Variants in ZDHHC11B observed in about 807,000 individuals in gnomAD.
ZDHHC11B encodes zDHHC palmitoyltransferase 11B (putative), also known as probable palmitoyltransferase ZDHHC11B.
Under a neutral mutation model 42.3 loss-of-function variants are expected in ZDHHC11B, and 17 were observed. That is an observed-to-expected ratio of 0.40 (90% CI 0.27 to 0.60). The LOEUF is 0.60. Among genes scored for constraint, ZDHHC11B ranks in the 20% least tolerant of loss-of-function variants. The pLI, the probability that ZDHHC11B is intolerant of heterozygous loss-of-function variation, is 0.41. For synonymous variants in ZDHHC11B, 123 were observed against 193.5 expected (o/e 0.64, Z 3.02); for missense variants, 262 against 463.2 (o/e 0.57, Z 3.99).
chr5:776,386 G>A (rs1311552484), intron 1 of ZDHHC11B, among the ~76,000 whole-genome samples: 57 of 151,894 alleles, frequency 3.8e-4, no homozygotes, highest in African/African-American at 1.3e-3. Context: ...GGGAGTGGAG[G>A]GGATCAGGAC....
At chr5:778,068 G>C (rs1188861936) in intron 1 of ZDHHC11B, among the ~76,000 whole-genome samples, 1 of 151,964 alleles carries the variant, frequency 6.6e-6, no homozygotes, top group African/African-American at 2.4e-5. Context: ...TAGGACAGAG[G>C]GGCAAGGGGG....
chr5:746,511 A>G (rs1744845339), intron 8 of ZDHHC11B, among the ~76,000 whole-genome samples: 1 of 132,706 alleles, frequency 7.5e-6, no homozygotes, highest in Admixed American at 8.6e-5. Context: ...TTTCTGCCAC[A>G]CTTGGTCTGG....
rs532331874 is a variant in ZDHHC11B, at chr5:753,078, G to A, written c.504-1821C>T. On this transcript the variant is annotated intron_variant, in intron 6 of 13. Transcript: ENST00000508859. ...CCTGTGTTTAACCTGCAGAGTCCGA[G>A]GCCAGCGCTCGCAGTCTTCCCAGGA... is the stretch of plus-strand genomic sequence containing the variant. Among the ~76,000 whole-genome samples, 22 of 128,556 alleles carry A rather than the reference G, an allele frequency of 1.7e-4. 3 individuals are homozygous for A. In the East Asian group the frequency reaches 6.3e-3, roughly 37 times the overall value. The allele number at this position is 128,556 out of a possible 152,430, so 84.3% of individuals were successfully genotyped here. A position where few individuals can be genotyped will look rare whatever the true frequency, so the allele number is the denominator to read the frequency against.
chr5:727,710 T>C (rs1742696550), intron 12 of ZDHHC11B, among the ~76,000 whole-genome samples: 2 of 144,396 alleles, frequency 1.4e-5, no homozygotes, highest in African/African-American at 5.1e-5. Context: ...TATTGTTTCA[T>C]AAACGAGGTG....
chr5:767,256 G>C (rs1161450792), intron 3 of ZDHHC11B, 136 bp downstream of exon 3: 2 of 1,090,546 alleles, frequency 1.8e-6, no homozygotes, highest in Non-Finnish European at 2.6e-6. Context: ...GAAAGCAACG[G>C]GAAGACCTGA....
At chr5:754,113 A>G (rs590725) in intron 6 of ZDHHC11B, among the ~76,000 whole-genome samples, 3 of 127,588 alleles carry the variant, frequency 2.4e-5, no homozygotes, top group South Asian at 3.5e-4. Context: ...CGTCTCATCT[A>G]TGAGTCTCCA....
intron 4 of ZDHHC11B, among the ~76,000 whole-genome samples, chr5:760,658 A>T (rs1734484607): frequency 6.6e-6 from 1 of 151,890 alleles, no homozygotes; most frequent in African/African-American, 2.4e-5. Context: ...CTTCCTCTGC[A>T]GAGCATGCAC....
In ZDHHC11B at chr5:784,676, C is replaced by A. The variant is rs1353675492; in HGVS notation, c.-238G>T. On this transcript the variant is annotated 5_prime_UTR_variant, in exon 1 of 14. Coordinates refer to ENST00000508859, the MANE Select transcript of ZDHHC11B (RefSeq NM_001351303.2). The stretch of plus-strand genomic sequence containing the variant: ...GCCCCGCGCCCGCTTACCTTGGAGA[C>A]GCAGCAACTGCAGCGGAGGCTCCCC... Among the ~76,000 whole-genome samples the A allele has an allele frequency of 1.3e-5, 2 of 150,448 alleles. No individual in the cohort carries two copies. The highest frequency in any genetic ancestry group is 3.0e-5 in the Non-Finnish European group (2 of 67,304).
At chr5:766,307 G>GC (rs11450664) in intron 4 of ZDHHC11B, among the ~76,000 whole-genome samples, 113,373 of 150,988 alleles carry the variant, frequency 0.75, 40,859 homozygotes, top group East Asian at 0.83. Flanking sequence ...CGGGACCCCT[G>GC]CCGCTGGAAG....
At chr5:712,735 C>T (rs1030804115) in intron 13 of ZDHHC11B, among the ~76,000 whole-genome samples, 33 of 151,382 alleles carry the variant, frequency 2.2e-4, no homozygotes, top group Non-Finnish European at 4.0e-4. Context: ...CGGTGAAACC[C>T]CGTCTCTACT....
chr5:763,373 G>GA lies in ZDHHC11B; in HGVS notation c.222+3324dup, dbSNP rs398108502. 1.3e-3 allele frequency among the ~76,000 whole-genome samples: 164 copies of GA among 128,478 alleles called. 1 individual carries two copies. The highest frequency in any genetic ancestry group is 2.1e-3 in the African/African-American group (75 of 35,312). 84.3% of individuals were successfully genotyped at this position (128,478 alleles called of 152,430 possible). A position where few individuals can be genotyped will look rare whatever the true frequency, so the allele number is the denominator to read the frequency against. The stretch of plus-strand genomic sequence containing the variant: ...GACAAGAGTGAGACTCCCATCTCGG[G>GA]AAAAAAAAAAAAAAGAAGAAGAAGA... On this transcript the variant is annotated intron_variant, in intron 4 of 13. Transcript: ENST00000508859.
chr5:734,196 A>G (rs1449943956), intron 10 of ZDHHC11B, among the ~76,000 whole-genome samples: 1 of 141,964 alleles, frequency 7.0e-6, no homozygotes, highest in East Asian at 2.0e-4. Context: ...GAGAGACAGA[A>G]CAGCATGTGG....
rs1166965896 is a variant in ZDHHC11B at position 764,292 on chromosome 5, G to A, written c.222+2406C>T. ...CTCGGTGCCCACTCTGGCCACACTCGAGGGGCCCTTCAGCCCACTGCTGCA... is the reference window on the plus strand; with the variant it reads ...CTCGGTGCCCACTCTGGCCACACTCAAGGGGCCCTTCAGCCCACTGCTGCA... On this transcript the variant is annotated intron_variant, in intron 4 of 13. Coordinates refer to ENST00000508859, the MANE Select transcript of ZDHHC11B (RefSeq NM_001351303.2). Among the ~76,000 whole-genome samples, 8 of 152,072 alleles carry A rather than the reference G, an allele frequency of 5.3e-5. 1 individual carries two copies. Among genetic ancestry groups the A allele is most frequent in the South Asian group, 4.1e-4 (2 of 4,822 alleles).
At chr5:728,813 G>A (rs1424676289) in intron 12 of ZDHHC11B, among the ~76,000 whole-genome samples, 1 of 151,828 alleles carries the variant, frequency 6.6e-6, no homozygotes, top group Non-Finnish European at 1.5e-5. Flanking sequence ...CTTGAGCTCA[G>A]GAGTTCGAGA....
intron 4 of ZDHHC11B, among the ~76,000 whole-genome samples, chr5:766,234 C>T (rs768073797): frequency 6.6e-6 from 1 of 151,802 alleles, no homozygotes; most frequent in Non-Finnish European, 1.5e-5. Flanking sequence ...ATGCAGGTCC[C>T]CTACCCACTG....
At chr5:713,945 C>G (rs1354094027) in intron 13 of ZDHHC11B, among the ~76,000 whole-genome samples, 1 of 132,720 alleles carries the variant, frequency 7.5e-6, no homozygotes, top group Non-Finnish European at 1.7e-5. Context: ...TGAAGTTGAC[C>G]AGGTTTCACA....
chr5:780,089 T>C (rs1736851054), intron 1 of ZDHHC11B, among the ~76,000 whole-genome samples: 1 of 147,598 alleles, frequency 6.8e-6, no homozygotes, highest in Admixed American at 6.8e-5. Flanking sequence ...GCTAAGACAT[T>C]GCAAAGGCTG....
chr5:752,899 A>G (rs1277111949), intron 6 of ZDHHC11B, among the ~76,000 whole-genome samples: 1 of 125,356 alleles, frequency 8.0e-6, no homozygotes, highest in Non-Finnish European at 1.8e-5. Flanking sequence ...CTCTTCATCC[A>G]GGAAAGAAGG....
Position 730,476 on chromosome 5 carries a change from G to C in ZDHHC11B, c.1024-8C>G. On this transcript the variant is annotated splice_polypyrimidine_tract_variant and splice_region_variant and intron_variant, in intron 11 of 13. Coordinates refer to ENST00000508859, the MANE Select transcript of ZDHHC11B (RefSeq NM_001351303.2). ...CGGGGCATCATCTGCTTCCTGTGGG[G>C]GGAAGGGAAGCAAAATTCTTAGGAT... is the stretch of plus-strand genomic sequence containing the variant. 1 of 1,556,866 alleles carries C rather than the reference G, an allele frequency of 6.4e-7. No individual in the cohort carries two copies. Among genetic ancestry groups the C allele is most frequent in the Non-Finnish European group, 8.6e-7 (1 of 1,161,610 alleles).
Sources: allele counts gnomAD v4.1 joint callset (sites outside exome capture counted in the v4.1 genomes callset), GRCh38; gene constraint gnomAD v4.1.1; transcripts MANE v1.5; gene names NCBI Gene and HGNC (gene_info 2026-07-23, HGNC 2026-07-21).